ZNF804A: variants seen among roughly 807,000 people sequenced by gnomAD.
ZNF804A encodes zinc finger protein 804A.
In ZNF804A, 2 loss-of-function variants were observed where a neutral mutation model predicts 16.5. The observed-to-expected ratio is 0.12, with a 90% confidence interval of 0.05 to 0.38. ZNF804A has a LOEUF of 0.38. Among genes scored for constraint, ZNF804A ranks in the 10% least tolerant of loss-of-function variants. The pLI, the probability that ZNF804A is intolerant of heterozygous loss-of-function variation, is 0.99. For missense variants in ZNF804A, 1,473 were observed against 1,390.7 expected, an observed-to-expected ratio of 1.06 and a Z score of -0.94; for synonymous variants, 534 against 489.6, an observed-to-expected ratio of 1.09 and a Z score of -1.20.
chr2:184,789,705 A>T (rs1296537617), intron 1 of ZNF804A, among the ~76,000 whole-genome samples: 1 of 151,992 alleles, frequency 6.6e-6, no homozygotes, highest in African/African-American at 2.4e-5. Context: ...TTCTGATTAT[A>T]CTTATTTGAA....
At chr2:184,932,833 C>T (rs1204746520) in intron 2 of ZNF804A, among the ~76,000 whole-genome samples, 1 of 152,090 alleles carries the variant, frequency 6.6e-6, no homozygotes, top group Admixed American at 6.6e-5. Flanking sequence ...TTCGAGTTGG[C>T]ATGCTGTTTT....
chr2:184,641,413 G>T (rs1691793526), intron 1 of ZNF804A, among the ~76,000 whole-genome samples: 1 of 152,186 alleles, frequency 6.6e-6, no homozygotes, highest in African/African-American at 2.4e-5. Context: ...GGCCAAGGAT[G>T]AAATTGACTA....
At chr2:184,647,138 CAGCCTACCCAG>C (rs1412499376) in intron 1 of ZNF804A, among the ~76,000 whole-genome samples, 1 of 152,182 alleles carries the variant, frequency 6.6e-6, no homozygotes, top group Non-Finnish European at 1.5e-5. Context: ...TAAGCCAAAA[CAGCCTACCCAG>C]TATTCACTAT....
chr2:184,841,791 A>AT (rs1318323357), intron 1 of ZNF804A, among the ~76,000 whole-genome samples: 1 of 151,860 alleles, frequency 6.6e-6, no homozygotes. Flanking sequence ...TGCTGTGTCA[A>AT]TTTTTTTTAG....
intron 1 of ZNF804A, among the ~76,000 whole-genome samples, chr2:184,664,204 G>T (rs974266340): frequency 2.6e-5 from 4 of 152,074 alleles, no homozygotes; most frequent in Non-Finnish European, 4.4e-5. Flanking sequence ...TTAGCTTTCA[G>T]AAATGTTCAT....
At chr2:184,890,603 C>G (rs1424458157) in intron 2 of ZNF804A, among the ~76,000 whole-genome samples, 1 of 151,908 alleles carries the variant, frequency 6.6e-6, no homozygotes, top group Non-Finnish European at 1.5e-5. Flanking sequence ...CATATATATT[C>G]TAAATATTTA....
chr2:184,657,024 A>G (rs1052059293), intron 1 of ZNF804A, among the ~76,000 whole-genome samples: 2 of 152,132 alleles, frequency 1.3e-5, no homozygotes, highest in African/African-American at 4.8e-5. Context: ...ATCATAGAAA[A>G]CATTTTTGTC....
At chr2:184,850,898 A>T (rs996727886) in intron 1 of ZNF804A, among the ~76,000 whole-genome samples, 2 of 151,794 alleles carry the variant, frequency 1.3e-5, no homozygotes, top group East Asian at 3.9e-4. Flanking sequence ...CTATTCATCA[A>T]TGGTAATTTG....
intron 1 of ZNF804A, among the ~76,000 whole-genome samples, chr2:184,817,662 A>G (rs981126232): frequency 6.6e-6 from 1 of 151,990 alleles, no homozygotes; most frequent in South Asian, 2.1e-4. Context: ...AATCATGGTA[A>G]AGCAATACAG....
In ZNF804A at chr2:184,866,379, A is replaced by G; in HGVS notation, c.122A>G (p.Glu41Gly). 4 of 1,613,230 alleles carry G rather than the reference A, an allele frequency of 2.5e-6. No individual in the cohort carries two copies. Among genetic ancestry groups the G allele is most frequent in the Non-Finnish European group, 3.4e-6 (4 of 1,179,546 alleles). Residue 41 changes from glutamate (E) to glycine (G), a missense_variant, in exon 2 of 4, where the codon GAG becomes GGG. Transcript: ENST00000302277. ...AATTTTATTTTTCAGGACTATGCTGAGAAGGAAAATACCATAGCAAAAGCT... is the reference window on the plus strand; with the variant it reads ...AATTTTATTTTTCAGGACTATGCTGGGAAGGAAAATACCATAGCAAAAGCT... Reference protein sequence around the residue: ...KNGNKTLDYAEKENTIAKALE... With the variant: ...KNGNKTLDYAGKENTIAKALE...
intron 1 of ZNF804A, among the ~76,000 whole-genome samples, chr2:184,839,819 T>C (rs575966875): frequency 6.6e-6 from 1 of 152,260 alleles, no homozygotes; most frequent in South Asian, 2.1e-4. Flanking sequence ...TTTGAGGTTA[T>C]TTTTTCATTT....
intron 2 of ZNF804A, 112 bp from the exon 3 acceptor site, chr2:184,933,491 C>A: frequency 1.0e-6 from 1 of 986,006 alleles, no homozygotes; most frequent in South Asian, 1.9e-5. Context: ...TTGTGTTTAC[C>A]TCTCGACAAG....
intron 1 of ZNF804A, among the ~76,000 whole-genome samples, chr2:184,668,093 A>T (rs1692279135): frequency 6.6e-6 from 1 of 151,930 alleles, no homozygotes; most frequent in East Asian, 1.9e-4. Context: ...TAAAAAGATC[A>T]ATTAGGACAG....
chr2:184,935,946 G>T lies in ZNF804A; in HGVS notation c.550G>T (p.Ala184Ser). 6.2e-7 allele frequency: 1 copy of T among 1,613,932 alleles called. No homozygotes were observed. Among genetic ancestry groups the T allele is most frequent in the Non-Finnish European group, 8.5e-7 (1 of 1,179,922 alleles). Residue 184 changes from alanine (A) to serine (S), a missense_variant, in exon 4 of 4, where the codon GCT becomes TCT. By Grantham distance (99) the Ala-to-Ser change is moderately conservative (BLOSUM62 1). Coordinates refer to ENST00000302277, the MANE Select transcript of ZNF804A (RefSeq NM_194250.2). ...GAATACTAAAGATGCTACCACTGTTGCTGAAGATCCAGAAAGTGCAAATAA... is the reference window on the plus strand; with the variant it reads ...GAATACTAAAGATGCTACCACTGTTTCTGAAGATCCAGAAAGTGCAAATAA... The part of the protein sequence containing the change: ...EENTKDATTV[A>S]EDPESANNYT...
intron 1 of ZNF804A, among the ~76,000 whole-genome samples, chr2:184,639,068 CTTTTTTTTTTTTT>C (rs34389839): frequency 9.3e-6 from 1 of 107,412 alleles, no homozygotes; most frequent in Non-Finnish European, 1.8e-5. Context: ...AAGCCCCCTC[CTTTTTTTTTTTTT>C]TTTTTTTTTT....
chr2:184,633,681 A>C (rs959714962), intron 1 of ZNF804A, among the ~76,000 whole-genome samples: 4 of 152,202 alleles, frequency 2.6e-5, no homozygotes, highest in African/African-American at 9.6e-5. Context: ...AATGTCCACA[A>C]AGAAATAGAA....
intron 1 of ZNF804A, among the ~76,000 whole-genome samples, chr2:184,667,895 T>C (rs16826124): frequency 0.015 from 2,243 of 151,922 alleles, 51 homozygotes; most frequent in African/African-American, 0.049. Flanking sequence ...TTTCATAATA[T>C]CTTCAAATTA....
intron 2 of ZNF804A, among the ~76,000 whole-genome samples, chr2:184,890,636 T>C (rs187818638): frequency 6.6e-6 from 1 of 152,014 alleles, no homozygotes; most frequent in Non-Finnish European, 1.5e-5. Flanking sequence ...TAACTGTAAC[T>C]CTCCAAGATA....
intron 1 of ZNF804A, among the ~76,000 whole-genome samples, chr2:184,633,301 A>G (rs1691642265): frequency 6.6e-6 from 1 of 152,300 alleles, no homozygotes; most frequent in South Asian, 2.1e-4. Context: ...CTGGGAATAG[A>G]ATGTCAGTTC....
Sources: gnomAD v4.1 joint callset for allele counts (sites outside exome capture counted in the v4.1 genomes callset) on GRCh38, gnomAD v4.1.1 for gene constraint, MANE v1.5 for transcripts, NCBI Gene and HGNC (gene_info 2026-07-23, HGNC 2026-07-21) for gene names.